Variants in GLYATL1B observed in about 807,000 individuals in gnomAD.
The protein encoded by GLYATL1B is glycine-N-acyltransferase like 1B, also known as putative glycine N-acyltransferase-like protein 1B.
Under a neutral mutation model 5.5 loss-of-function variants are expected in GLYATL1B, and 6 were observed. The ratio of observed to expected loss-of-function variants is 1.09; its 90% CI spans 0.60 to 2.15. The LOEUF (loss-of-function observed/expected upper bound fraction) is 2.15, where lower values mean the gene tolerates loss of function less well. Ranked by LOEUF, GLYATL1B falls within the 30% of genes most tolerant of loss-of-function variation. GLYATL1B has a pLI of 0.00. For missense variants in GLYATL1B, 135 were observed against 94.1 expected, an observed-to-expected ratio of 1.43 and a Z score of -1.80; for synonymous variants, 67 against 34.9, an observed-to-expected ratio of 1.92 and a Z score of -3.24.
At chr11:59,088,843 C>G (rs955762162) in intron 2 of GLYATL1B, among the ~76,000 whole-genome samples, 1 of 152,082 alleles carries the variant, frequency 6.6e-6, no homozygotes, top group African/African-American at 2.4e-5. Flanking sequence ...CATAGTATAC[C>G]ATGTTTCTTT....
intron 2 of GLYATL1B, among the ~76,000 whole-genome samples, chr11:59,090,059 G>A (rs562664051): frequency 7.9e-5 from 12 of 151,994 alleles, no homozygotes; most frequent in East Asian, 1.9e-4. Flanking sequence ...GGCTAATTAC[G>A]TTAGTGCTAT....
intron 2 of GLYATL1B, among the ~76,000 whole-genome samples, chr11:59,088,461 A>G (rs1180676935): frequency 6.6e-6 from 1 of 152,156 alleles, no homozygotes; most frequent in East Asian, 1.9e-4. Flanking sequence ...GCTGAGCCTA[A>G]TACCTTCCCC....
At chr11:59,088,505 A>C (rs555186466) in intron 2 of GLYATL1B, among the ~76,000 whole-genome samples, 1 of 152,238 alleles carries the variant, frequency 6.6e-6, no homozygotes, top group African/African-American at 2.4e-5. Context: ...GTTTCCTGAC[A>C]ATTTCGGATC....
intron 2 of GLYATL1B, among the ~76,000 whole-genome samples, chr11:59,089,457 C>G (rs112763695): frequency 3.3e-5 from 5 of 152,280 alleles, no homozygotes; most frequent in African/African-American, 1.2e-4. Context: ...AGTATTATTT[C>G]CATTAGCAAT....
At chr11:59,091,697 A>G (rs1228817738) in intron 2 of GLYATL1B, among the ~76,000 whole-genome samples, 2 of 152,212 alleles carry the variant, frequency 1.3e-5, no homozygotes, top group Non-Finnish European at 2.9e-5. Context: ...TCGACCCAGC[A>G]ATGCCATTAC....
At chr11:59,089,606 T>TG (rs1859266337) in intron 2 of GLYATL1B, among the ~76,000 whole-genome samples, 1 of 152,184 alleles carries the variant, frequency 6.6e-6, no homozygotes. Context: ...ATTCAACATA[T>TG]ATTTTCATAT....
intron 2 of GLYATL1B, among the ~76,000 whole-genome samples, 186 bp downstream of exon 2, chr11:59,087,357 T>A (rs745750026): frequency 1.3e-5 from 2 of 151,618 alleles, no homozygotes; most frequent in Non-Finnish European, 2.9e-5. Context: ...AGCATAAGAC[T>A]CATTAGGGAA....
rs147567530 is a variant in GLYATL1B at position 59,087,913 on chromosome 11, G to T, written c.186+742G>T. Among the ~76,000 whole-genome samples, 208 of 152,304 alleles carry T rather than the reference G, an allele frequency of 1.4e-3. 1 individual carries two copies. Among genetic ancestry groups the T allele is most frequent in the African/African-American group, 4.7e-3 (194 of 41,578 alleles). ...CACACAATTACTTTGTGTCAACTGT[G>T]TGGAAGCACCTCACTCGTTAGTGAC... is the stretch of plus-strand genomic sequence containing the variant. On this transcript the variant is annotated intron_variant, in intron 2 of 4. Coordinates refer to ENST00000527482, the MANE Select transcript of GLYATL1B (RefSeq NM_001355566.1).
chr11:59,088,640 A>C (rs1859242370), intron 2 of GLYATL1B, among the ~76,000 whole-genome samples: 1 of 152,240 alleles, frequency 6.6e-6, no homozygotes, highest in African/African-American at 2.4e-5. Context: ...TGTGTATTTT[A>C]ACAATGTAAC....
At chr11:59,088,747 T>C (rs1477188221) in intron 2 of GLYATL1B, among the ~76,000 whole-genome samples, 1 of 152,140 alleles carries the variant, frequency 6.6e-6, no homozygotes, top group Non-Finnish European at 1.5e-5. Context: ...ATATAAAAGT[T>C]CCATGCCACA....
At chr11:59,093,823 G>C in intron 3 of GLYATL1B, 111 bp from the exon 4 acceptor site, 1 of 473,786 alleles carries the variant, frequency 2.1e-6, no homozygotes, top group Admixed American at 3.9e-5. Flanking sequence ...AGCTGATTGT[G>C]GTGTAAACTC....
chr11:59,089,833 ATAT>A (rs1313931829), intron 2 of GLYATL1B, among the ~76,000 whole-genome samples: 1 of 152,138 alleles, frequency 6.6e-6, no homozygotes. Flanking sequence ...GTAATCAAAT[ATAT>A]TATCTTTTTC....
intron 2 of GLYATL1B, among the ~76,000 whole-genome samples, chr11:59,092,557 T>G (rs1859337625): frequency 6.6e-6 from 1 of 152,204 alleles, no homozygotes; most frequent in Non-Finnish European, 1.5e-5. Flanking sequence ...AGTTACACTA[T>G]TTTCTCTTTT....
At chr11:59,090,412 A>C (rs1254951536) in intron 2 of GLYATL1B, among the ~76,000 whole-genome samples, 1 of 152,010 alleles carries the variant, frequency 6.6e-6, no homozygotes, top group African/African-American at 2.4e-5. Flanking sequence ...TTTATCAAGA[A>C]ATATGGTCTT....
intron 2 of GLYATL1B, among the ~76,000 whole-genome samples, chr11:59,090,553 T>C (rs1348676408): frequency 1.3e-5 from 2 of 151,908 alleles, no homozygotes; most frequent in Non-Finnish European, 2.9e-5. Context: ...ATTATTAAAT[T>C]ATTTTTCCTT....
At chr11:59,091,179 A>G (rs565603291) in intron 2 of GLYATL1B, among the ~76,000 whole-genome samples, 1 of 152,232 alleles carries the variant, frequency 6.6e-6, no homozygotes, top group Admixed American at 6.5e-5. Flanking sequence ...CTGTATTCAT[A>G]AGCCAATATG....
chr11:59,087,900 T>G (rs1204332040), intron 2 of GLYATL1B, among the ~76,000 whole-genome samples: 7 of 152,140 alleles, frequency 4.6e-5, no homozygotes, highest in Admixed American at 1.3e-4. Flanking sequence ...CACAATTACT[T>G]TGTGTCAACT....
chr11:59,094,689 A>G lies in GLYATL1B; in HGVS notation c.812A>G (p.Gln271Arg). The part of the protein sequence containing the change: ...PFYGSVLEEN[Q>R]GVIRKTSALG... ...TACGGCTCTGTGCTGGAAGAAAATC[A>G]AGGCGTCATCAGAAAGACTAGTGCA... is the stretch of plus-strand genomic sequence containing the variant. Residue 271 changes from glutamine to arginine, a missense_variant, in exon 5 of 5, where the codon CAA (glutamine) becomes CGA (arginine). Transcript: ENST00000527482. The G allele has an allele frequency of 2.3e-6, 1 of 441,152 alleles. No homozygotes were observed. The highest frequency in any genetic ancestry group is 8.7e-5 in the South Asian group (1 of 11,540). 27.3% of individuals were successfully genotyped at this position (441,152 alleles called of 1,614,324 possible).
rs1255622545 is a variant in GLYATL1B at position 59,094,710 on chromosome 11, G to A, written c.833G>A (p.Ser278Asn). ...AATCAAGGCGTCATCAGAAAGACTAGTGCACTAGGTTTCCTTGAGGCCTCC... is the reference window on the plus strand; with the variant it reads ...AATCAAGGCGTCATCAGAAAGACTAATGCACTAGGTTTCCTTGAGGCCTCC... ...EENQGVIRKT[S>N]ALGFLEASCQ... Residue 278 changes from serine to asparagine, a missense_variant, in exon 5 of 5, where the codon AGT becomes AAT. Coordinates refer to ENST00000527482, the MANE Select transcript of GLYATL1B (RefSeq NM_001355566.1). 7.0e-5 allele frequency: 32 copies of A among 457,136 alleles called. No individual in the cohort carries two copies. Among genetic ancestry groups the A allele is most frequent in the African/African-American group, 5.2e-4 (26 of 50,414 alleles). 28.3% of individuals were successfully genotyped at this position (457,136 alleles called of 1,614,324 possible).
Sources: allele counts gnomAD v4.1 joint callset (sites outside exome capture counted in the v4.1 genomes callset), GRCh38; gene constraint gnomAD v4.1.1; transcripts MANE v1.5; gene names NCBI Gene and HGNC (gene_info 2026-07-23, HGNC 2026-07-21).